The following SYT16 variants were observed in gnomAD, a reference collection of about 807,000 sequenced individuals.
SYT16 encodes the protein synaptotagmin 16, also known as synaptotagmin-16.
Under a neutral mutation model 61.4 loss-of-function variants are expected in SYT16, and 42 were observed. That is an observed-to-expected ratio of 0.68 (90% CI 0.53 to 0.89). The LOEUF is 0.89. Among genes scored for constraint, SYT16 ranks in the 40% least tolerant of loss-of-function variants. The probability of loss-of-function intolerance (pLI) is 0.00; values close to 1 mark genes in which losing one functional copy is unlikely to be tolerated. For missense variants in SYT16, 804 were observed against 807.3 expected, an observed-to-expected ratio of 1.00 and a Z score of 0.05; for synonymous variants, 314 against 302.3, an observed-to-expected ratio of 1.04 and a Z score of -0.40.
intron 2 of SYT16, among the ~76,000 whole-genome samples, chr14:61,978,085 A>G (rs1327719542): frequency 6.6e-6 from 1 of 152,114 alleles, no homozygotes; most frequent in Non-Finnish European, 1.5e-5. Context: ...ACTGGTGGTA[A>G]TCAAGGAATC....
intron 3 of SYT16, among the ~76,000 whole-genome samples, chr14:62,046,578 T>C (rs1325404012): frequency 3.3e-5 from 5 of 152,244 alleles, no homozygotes. Flanking sequence ...AGGGTTTTTA[T>C]GGTTTTAGGT....
Position 61,953,652 on chromosome 14 carries a change from C to G in SYT16, c.-324-16480C>G, listed in dbSNP as rs114136242. 1.2e-3 allele frequency among the ~76,000 whole-genome samples: 188 copies of G among 152,294 alleles called. 2 individuals carry two copies. The highest frequency in any genetic ancestry group is 4.4e-3 in the African/African-American group (184 of 41,556). On this transcript the variant is annotated intron_variant, in intron 1 of 7. Transcript: ENST00000683842. The stretch of plus-strand genomic sequence containing the variant: ...CACCTCTTACTGCTGCTGAAATTGC[C>G]TTTGAAAACATCTCCTTGTTTTGCA...
chr14:61,820,939 C>A (rs2045601781), intron 1 of SYT16, among the ~76,000 whole-genome samples: 1 of 152,208 alleles, frequency 6.6e-6, no homozygotes, highest in African/African-American at 2.4e-5. Context: ...TAGCCTTTCT[C>A]TGTCTCAGAC....
chr14:62,100,260 C>A, intron 7 of SYT16, 134 bp from the exon 8 acceptor site: 1 of 736,464 alleles, frequency 1.4e-6, no homozygotes. Flanking sequence ...CAGCAAGAAC[C>A]AGGCTTAAGG....
chr14:62,025,198 C>A (rs909070014), intron 3 of SYT16, among the ~76,000 whole-genome samples: 1 of 152,138 alleles, frequency 6.6e-6, no homozygotes, highest in Non-Finnish European at 1.5e-5. Context: ...GGCTGCCACA[C>A]TGTCTTCCAA....
At chr14:61,998,507 G>A (rs1248956290) in intron 3 of SYT16, among the ~76,000 whole-genome samples, 5 of 151,882 alleles carry the variant, frequency 3.3e-5, no homozygotes, top group Non-Finnish European at 2.9e-5. Flanking sequence ...ATTCATCCAT[G>A]GTGTTGTGTG....
At chr14:62,054,469 T>A (rs778483569) in intron 3 of SYT16, among the ~76,000 whole-genome samples, 2 of 149,902 alleles carry the variant, frequency 1.3e-5, no homozygotes, top group Non-Finnish European at 3.0e-5. Flanking sequence ...CAAGCAATCC[T>A]CCCACCTCAG....
chr14:61,992,119 C>T (rs1044175767), intron 2 of SYT16, among the ~76,000 whole-genome samples: 2 of 151,992 alleles, frequency 1.3e-5, no homozygotes, highest in Admixed American at 6.6e-5. Flanking sequence ...CCGAGGGAAA[C>T]GTTATATCAT....
chr14:61,996,214 G>T lies in SYT16; in HGVS notation c.195G>T (p.Thr65=). ...TAGATAATATTCAGATTCAGGAAACGTACTTTGAAGATGAAGAACAAGACA... is the reference window on the plus strand; with the variant it reads ...TAGATAATATTCAGATTCAGGAAACTTACTTTGAAGATGAAGAACAAGACA... The part of the protein sequence containing the change: ...QDLDNIQIQE[T]YFEDEEQDND... Residue 65 remains threonine, a synonymous_variant, in exon 3 of 8, where the codon ACG becomes ACT. Coordinates refer to ENST00000683842, the MANE Select transcript of SYT16 (RefSeq NM_001367656.1). 2 of 1,613,536 alleles carry T rather than the reference G, an allele frequency of 1.2e-6. No individual in the cohort carries two copies. Among genetic ancestry groups the T allele is most frequent in the Non-Finnish European group, 1.7e-6 (2 of 1,179,616 alleles).
At chr14:62,037,850 G>GC (rs757780685) in intron 3 of SYT16, among the ~76,000 whole-genome samples, 1 of 152,014 alleles carries the variant, frequency 6.6e-6, no homozygotes, top group Non-Finnish European at 1.5e-5. Context: ...CTGCTTTGTG[G>GC]CCCCCCAGAG....
intron 1 of SYT16, among the ~76,000 whole-genome samples, chr14:61,953,682 C>T (rs750690974): frequency 6.6e-6 from 1 of 152,162 alleles, no homozygotes; most frequent in Admixed American, 6.5e-5. Context: ...TTTGCAAAAG[C>T]TGCTGATACC....
At chr14:62,099,457 A>C (rs1024261998) in intron 7 of SYT16, among the ~76,000 whole-genome samples, 1 of 152,158 alleles carries the variant, frequency 6.6e-6, no homozygotes. Context: ...GACTTGGATA[A>C]TTTGGTGAAT....
chr14:61,994,297 A>G (rs1349365335), intron 2 of SYT16, among the ~76,000 whole-genome samples: 3 of 152,278 alleles, frequency 2.0e-5, no homozygotes, highest in African/African-American at 7.2e-5. Flanking sequence ...ATCCAAGTCT[A>G]TCAGTATTTC....
intron 1 of SYT16, among the ~76,000 whole-genome samples, chr14:61,931,116 A>G (rs778112955): frequency 1.3e-5 from 2 of 152,180 alleles, no homozygotes; most frequent in African/African-American, 2.4e-5. Context: ...TGCAGATCTC[A>G]TATTACTTTC....
chr14:62,071,804 A>T (rs1389006227), intron 4 of SYT16, among the ~76,000 whole-genome samples: 2 of 152,216 alleles, frequency 1.3e-5, no homozygotes, highest in Admixed American at 1.3e-4. Flanking sequence ...CACTTTAAAA[A>T]TGCATTCAAA....
intron 1 of SYT16, among the ~76,000 whole-genome samples, chr14:61,830,174 G>A (rs1378089146): frequency 1.3e-5 from 2 of 152,058 alleles, no homozygotes; most frequent in Admixed American, 6.6e-5. Context: ...TATGATAACC[G>A]CTTTAAAATC....
intron 1 of SYT16, among the ~76,000 whole-genome samples, chr14:61,924,655 T>A (rs2049463031): frequency 6.6e-6 from 1 of 152,166 alleles, no homozygotes; most frequent in Non-Finnish European, 1.5e-5. Flanking sequence ...ACTACCATGT[T>A]TTTCTTTCCC....
chr14:62,102,456 C>T lies in SYT16; in HGVS notation c.*1749C>T, dbSNP rs1455559038. The T allele has an allele frequency of 6.6e-6, 1 of 152,108 alleles. No homozygotes were observed. Among genetic ancestry groups the T allele is most frequent in the Non-Finnish European group, 1.5e-5 (1 of 68,002 alleles). 9.4% of individuals were successfully genotyped at this position (152,108 alleles called of 1,614,324 possible). Reference sequence around the variant, plus strand: ...CAGTTATTAGGAATATGTAATAAAACCATGTTCCTCTGGGTTTTTACCCTA... The same window carrying T: ...CAGTTATTAGGAATATGTAATAAAATCATGTTCCTCTGGGTTTTTACCCTA... On this transcript the variant is annotated 3_prime_UTR_variant, in exon 8 of 8. Coordinates refer to ENST00000683842, the MANE Select transcript of SYT16 (RefSeq NM_001367656.1).
At chr14:62,084,119 A>G in intron 6 of SYT16, 77 bp from the exon 7 acceptor site, 2 of 1,516,598 alleles carry the variant, frequency 1.3e-6, no homozygotes, top group Non-Finnish European at 1.8e-6. Flanking sequence ...CAATTTCACC[A>G]AACATAATAT....
Sources: allele counts gnomAD v4.1 joint callset (sites outside exome capture counted in the v4.1 genomes callset), GRCh38; gene constraint gnomAD v4.1.1; transcripts MANE v1.5; gene names NCBI Gene and HGNC (gene_info 2026-07-23, HGNC 2026-07-21).